Variants in TBC1D1 observed in about 807,000 individuals in gnomAD.
TBC1D1 encodes TBC1 (tre-2/USP6, BUB2, cdc16) domain family, member 1.
TBC1D1 carries 89 observed loss-of-function variants against 125.6 expected under a neutral mutation model. That is an observed-to-expected ratio of 0.71 (90% confidence interval 0.60 to 0.85). TBC1D1 has a LOEUF of 0.85. TBC1D1 is among the 40% of genes least tolerant of loss of function. The pLI is 0.00. For missense variants in TBC1D1, 1,377 were observed against 1,469.2 expected (o/e 0.94, Z 1.03); for synonymous variants, 565 against 564.1 (o/e 1.00, Z -0.02).
chr4:38,044,612 A>G (rs1291843864), intron 9 of TBC1D1, 122 bp downstream of exon 9: 12 of 1,051,048 alleles, frequency 1.1e-5, no homozygotes, highest in South Asian at 2.2e-5. Context: ...ACCTTTTTTT[A>G]TGTTTTCTCA....
At position 37,977,554 on chromosome 4, in the gene TBC1D1, G is replaced by A. The variant is rs2152356806; in HGVS notation, c.418-36955G>A. On this transcript the variant is annotated intron_variant, in intron 2 of 19. Coordinates refer to ENST00000261439, the MANE Select transcript of TBC1D1 (RefSeq NM_015173.4). This position sits in a 1 kb window ranked among gnomAD's most constrained non-coding sequence, Gnocchi z 4.3. ...GGTAGGCGGCGTCGGGCGGGCGCCC[G>A]TTACCGGAGCGGAGCGGCAGGCGCG... 14 of 805,442 alleles carry A rather than the reference G, an allele frequency of 1.7e-5. No homozygotes were observed. Among genetic ancestry groups the A allele is most frequent in the Non-Finnish European group, 2.1e-5 (14 of 653,906 alleles). 49.9% of individuals were successfully genotyped at this position (805,442 alleles called of 1,614,324 possible).
In TBC1D1 at chr4:38,014,632, G is replaced by A. The variant is rs780311863; in HGVS notation, c.541G>A (p.Val181Met). The change falls in exon 3 of 20, where the codon GTG becomes ATG. Residue 181 changes from valine (V) to methionine (M), a missense_variant. This residue lies in a region of TBC1D1 where 822 missense variants were observed against 824.6 expected (regional missense o/e 1.00). Coordinates refer to ENST00000261439, the MANE Select transcript of TBC1D1 (RefSeq NM_015173.4). This position sits in a 1 kb window ranked among gnomAD's most constrained non-coding sequence, Gnocchi z 5.1. ...GTTCGAGGTGCTCTTCTGCGGCCGC[G>A]TGACGGTGGCGCACAAGAAGGCTCC... 2 of 1,613,384 alleles carry A rather than the reference G, an allele frequency of 1.2e-6. No homozygotes were observed. Among genetic ancestry groups the A allele is most frequent in the South Asian group, 1.1e-5 (1 of 91,082 alleles).
intron 2 of TBC1D1, among the ~76,000 whole-genome samples, chr4:37,966,415 A>G (rs910962470): frequency 6.6e-6 from 1 of 152,250 alleles, no homozygotes; most frequent in Non-Finnish European, 1.5e-5. Context: ...ATCACTACTT[A>G]GAAGCGTTTA....
At chr4:37,976,690 T>G (rs1733155120) in intron 2 of TBC1D1, among the ~76,000 whole-genome samples, 1 of 152,090 alleles carries the variant, frequency 6.6e-6, no homozygotes, top group South Asian at 2.1e-4. Flanking sequence ...TGGCTGGGAT[T>G]GAAACTCAGC....
intron 2 of TBC1D1, among the ~76,000 whole-genome samples, chr4:37,929,642 G>A (rs1415139404): frequency 6.6e-6 from 1 of 152,176 alleles, no homozygotes; most frequent in Non-Finnish European, 1.5e-5. Context: ...TTCCTAGTGT[G>A]CAGGAGATAA....
In TBC1D1 at chr4:38,021,575, T is replaced by C. The variant is rs1330714262; in HGVS notation, c.1078-11T>C. On this transcript the variant is annotated splice_polypyrimidine_tract_variant and intron_variant, in intron 5 of 19. Transcript: ENST00000261439. ...TTTTTGGTGACTACAACTTCTCTTCTCTTTGATTAGGTTGATGAAATTATG... is the reference window on the plus strand; with the variant it reads ...TTTTTGGTGACTACAACTTCTCTTCCCTTTGATTAGGTTGATGAAATTATG... The C allele has an allele frequency of 2.0e-6, 3 of 1,514,064 alleles. No homozygotes were observed. Among genetic ancestry groups the C allele is most frequent in the South Asian group, 1.3e-5 (1 of 78,892 alleles). The allele number at this position is 1,514,064 out of a possible 1,614,324, so 93.8% of individuals were successfully genotyped here. A position where few individuals can be genotyped will look rare whatever the true frequency, so the allele number is the denominator to read the frequency against.
At position 37,918,597 on chromosome 4, in the gene TBC1D1, G is replaced by A. The variant is rs189732617; in HGVS notation, c.417+16085G>A. 2.2e-3 allele frequency among the ~76,000 whole-genome samples: 340 copies of A among 152,082 alleles called. 3 individuals are homozygous for A. Among genetic ancestry groups the A allele is most frequent in the African/African-American group, 7.5e-3 (312 of 41,496 alleles). On this transcript the variant is annotated intron_variant, in intron 2 of 19. Transcript: ENST00000261439. ...TGAGTAGCTGGGATTACAGATGTGC[G>A]CCACCACGCCTGGCTAATTTTTCTA...
chr4:38,063,184 G>T (rs1222842191), intron 12 of TBC1D1, among the ~76,000 whole-genome samples: 1 of 152,220 alleles, frequency 6.6e-6, no homozygotes, highest in Non-Finnish European at 1.5e-5. Context: ...GATAGAATTT[G>T]TGGACATACA....
At chr4:38,118,307 G>C in intron 17 of TBC1D1, 115 bp downstream of exon 19, 2 of 1,274,998 alleles carry the variant, frequency 1.6e-6, no homozygotes, top group South Asian at 1.4e-5. Flanking sequence ...ACCAGAACAG[G>C]GTATTGTTTG....
intron 12 of TBC1D1, among the ~76,000 whole-genome samples, chr4:38,069,984 T>TCCTAGGCCATTATCTGGGCTGTGGGA: frequency 6.6e-6 from 1 of 152,304 alleles, no homozygotes; most frequent in South Asian, 2.1e-4. Context: ...GCCACCCCTG[T>TCCTAGGCCATTATCTGGGCTGTGGGA]CCTAGGCCAT....
intron 2 of TBC1D1, among the ~76,000 whole-genome samples, chr4:37,981,046 G>A (rs567799183): frequency 6.6e-5 from 10 of 152,066 alleles, no homozygotes; most frequent in African/African-American, 2.4e-4. Flanking sequence ...GGGTTCAAGT[G>A]CTCCTCCCAC....
chr4:37,931,096 GT>G (rs1723158944), intron 2 of TBC1D1, among the ~76,000 whole-genome samples: 1 of 91,478 alleles, frequency 1.1e-5, no homozygotes, highest in Non-Finnish European at 2.5e-5. Context: ...GGTTTTTGTT[GT>G]TTTGTTTGTT....
At chr4:37,952,971 T>A (rs1397775704) in intron 2 of TBC1D1, among the ~76,000 whole-genome samples, 2 of 152,216 alleles carry the variant, frequency 1.3e-5, no homozygotes, top group Admixed American at 6.5e-5. Flanking sequence ...TGATGTGTGA[T>A]CAAAATTGTG....
chr4:38,095,188 G>T (rs1364337292), intron 13 of TBC1D1, among the ~76,000 whole-genome samples: 1 of 152,194 alleles, frequency 6.6e-6, no homozygotes, highest in Non-Finnish European at 1.5e-5. Context: ...CTTCCCTCTA[G>T]CTAGTAAATA....
At chr4:38,067,456 C>A (rs2303420) in intron 12 of TBC1D1, among the ~76,000 whole-genome samples, 86,581 of 152,006 alleles carry the variant, frequency 0.57, 25,692 homozygotes, top group African/African-American at 0.75. Flanking sequence ...TGCCAGGGGA[C>A]GGCTTTCCTT....
chr4:38,078,859 A>G (rs1756054084), intron 12 of TBC1D1, among the ~76,000 whole-genome samples: 3 of 152,200 alleles, frequency 2.0e-5, no homozygotes, highest in Admixed American at 6.5e-5. Context: ...TTCACGGGGT[A>G]TAGTTTAATA....
intron 2 of TBC1D1, among the ~76,000 whole-genome samples, chr4:37,966,839 A>G (rs138140548): frequency 6.6e-6 from 1 of 152,208 alleles, no homozygotes; most frequent in Non-Finnish European, 1.5e-5. Flanking sequence ...AGGTTTTCAG[A>G]GGGGCATTTG....
chr4:38,010,630 C>T (rs1187114277), intron 2 of TBC1D1, among the ~76,000 whole-genome samples: 1 of 152,282 alleles, frequency 6.6e-6, no homozygotes, highest in Non-Finnish European at 1.5e-5. Context: ...GTCATCCACA[C>T]AGAAGCCTAA....
chr4:37,981,061 G>A (rs1734249197), intron 2 of TBC1D1, among the ~76,000 whole-genome samples: 1 of 151,952 alleles, frequency 6.6e-6, no homozygotes, highest in African/African-American at 2.4e-5. Context: ...TCCCACCTCA[G>A]CCTCCCTAGT....
Sources: allele counts gnomAD v4.1 joint callset (sites outside exome capture counted in the v4.1 genomes callset), GRCh38; gene constraint gnomAD v4.1.1; regional missense constraint gnomAD v4.1.1; non-coding constraint Gnocchi (gnomAD v3.1); transcripts MANE v1.5; gene names NCBI Gene and HGNC (gene_info 2026-07-23, HGNC 2026-07-21).